Variants in PITPNC1 observed in about 807,000 individuals in gnomAD.
The protein encoded by PITPNC1 is phosphatidylinositol transfer protein cytoplasmic 1, also known as cytoplasmic phosphatidylinositol transfer protein 1.
A neutral mutation model predicts 44.7 loss-of-function variants in PITPNC1; 18 were observed. The ratio of observed to expected loss-of-function variants is 0.40; its 90% CI spans 0.28 to 0.60. PITPNC1 has a LOEUF of 0.60. Among genes scored for constraint, PITPNC1 ranks in the 20% least tolerant of loss-of-function variants. PITPNC1 has a pLI of 0.39. For synonymous variants in PITPNC1, 141 were observed against 149.6 expected (o/e 0.94, Z 0.42); for missense variants, 290 against 418.4 (o/e 0.69, Z 2.68).
intron 6 of PITPNC1, among the ~76,000 whole-genome samples, chr17:67,643,968 G>A (rs1157266289): frequency 6.6e-6 from 1 of 152,170 alleles, no homozygotes; most frequent in African/African-American, 2.4e-5. Flanking sequence ...TGTGAGTGGA[G>A]AACAGGAGCA....
At chr17:67,434,118 T>C (rs2038898420) in intron 1 of PITPNC1, among the ~76,000 whole-genome samples, 1 of 151,848 alleles carries the variant, frequency 6.6e-6, no homozygotes, top group African/African-American at 2.4e-5. Context: ...AGAGGCTTGA[T>C]TATAGATGTT....
intron 5 of PITPNC1, among the ~76,000 whole-genome samples, chr17:67,631,130 C>T (rs1338093245): frequency 6.7e-5 from 10 of 148,650 alleles, no homozygotes. Flanking sequence ...GCCAGTGAAA[C>T]CTAGAGCAGA....
chr17:67,557,677 G>A (rs77205453), intron 4 of PITPNC1, among the ~76,000 whole-genome samples: 250 of 152,304 alleles, frequency 1.6e-3, no homozygotes, highest in Non-Finnish European at 2.8e-3. Context: ...AGATTCAGCC[G>A]TGTTCTCACG....
chr17:67,554,407 A>ACCTG (rs2040808295), intron 4 of PITPNC1, among the ~76,000 whole-genome samples: 6 of 151,926 alleles, frequency 3.9e-5, no homozygotes, highest in African/African-American at 1.5e-4. Flanking sequence ...ACAGGTGTGC[A>ACCTG]CCACCACGCC....
chr17:67,453,053 A>G (rs79171576), intron 1 of PITPNC1, among the ~76,000 whole-genome samples: 2,394 of 152,244 alleles, frequency 0.016, 59 homozygotes, highest in African/African-American at 0.054. Context: ...GTGCTGTTAT[A>G]TATATAAAGC....
intron 5 of PITPNC1, among the ~76,000 whole-genome samples, chr17:67,583,805 C>T (rs946958308): frequency 6.6e-6 from 1 of 151,084 alleles, no homozygotes; most frequent in Non-Finnish European, 1.5e-5. Flanking sequence ...ACGCTATTCT[C>T]CTGCCTCAGC....
intron 1 of PITPNC1, among the ~76,000 whole-genome samples, chr17:67,459,422 T>C (rs948078480): frequency 4.6e-5 from 7 of 152,178 alleles, no homozygotes; most frequent in African/African-American, 1.7e-4. Flanking sequence ...CCAGCCTCTT[T>C]GGGGTTTTAG....
chr17:67,573,513 G>T (rs2041091117), intron 4 of PITPNC1, among the ~76,000 whole-genome samples: 1 of 151,634 alleles, frequency 6.6e-6, no homozygotes, highest in Non-Finnish European at 1.5e-5. Context: ...GATCAGGTGG[G>T]AGGTGGAAAA....
At position 67,479,843 on chromosome 17, in the gene PITPNC1, T is replaced by C. The variant is rs147480941; in HGVS notation, c.49-52959T>C. 3.3e-3 allele frequency among the ~76,000 whole-genome samples: 509 copies of C among 152,338 alleles called. 5 individuals carry two copies. Among genetic ancestry groups the C allele is most frequent in the African/African-American group, 0.012 (489 of 41,582 alleles). On this transcript the variant is annotated intron_variant, in intron 1 of 8. Coordinates refer to ENST00000581322, the MANE Select transcript of PITPNC1 (RefSeq NM_012417.4). ...TGAGTAAAGGCATTTTCTTCTGCAA[T>C]GTTCATTTCTATTTCAATGGTCTGC...
intron 3 of PITPNC1, among the ~76,000 whole-genome samples, chr17:67,552,794 C>A (rs751602260): frequency 3.8e-5 from 5 of 132,690 alleles, no homozygotes; most frequent in Non-Finnish European, 6.1e-5. Flanking sequence ...GGCAACACAG[C>A]GAGACTCCGT....
chr17:67,562,123 A>G (rs1207552909), intron 4 of PITPNC1, among the ~76,000 whole-genome samples: 6 of 152,220 alleles, frequency 3.9e-5, no homozygotes, highest in African/African-American at 1.4e-4. Context: ...TTCAGAAAAC[A>G]TGCTTTCATT....
At chr17:67,528,787 A>T (rs2040423510) in intron 1 of PITPNC1, among the ~76,000 whole-genome samples, 1 of 152,158 alleles carries the variant, frequency 6.6e-6, no homozygotes, top group Non-Finnish European at 1.5e-5. Flanking sequence ...GAGATTCAGC[A>T]TTTTTAGGAG....
intron 6 of PITPNC1, among the ~76,000 whole-genome samples, chr17:67,646,838 T>C (rs1174328631): frequency 6.6e-6 from 1 of 152,112 alleles, no homozygotes; most frequent in South Asian, 2.1e-4. Flanking sequence ...CAGCCAACAT[T>C]GTCTCCATTT....
chr17:67,564,115 T>C (rs1342297562), intron 4 of PITPNC1, among the ~76,000 whole-genome samples: 1 of 151,828 alleles, frequency 6.6e-6, no homozygotes, highest in African/African-American at 2.4e-5. Flanking sequence ...ATAGATTAGA[T>C]AGGTAGACAG....
intron 1 of PITPNC1, among the ~76,000 whole-genome samples, chr17:67,436,495 G>A (rs2038938269): frequency 6.6e-6 from 1 of 152,092 alleles, no homozygotes; most frequent in Non-Finnish European, 1.5e-5. Flanking sequence ...GAGGTAAGCA[G>A]AAGGTAGGGA....
chr17:67,561,338 C>T (rs1354067981), intron 4 of PITPNC1, among the ~76,000 whole-genome samples: 1 of 152,036 alleles, frequency 6.6e-6, no homozygotes, highest in Non-Finnish European at 1.5e-5. Flanking sequence ...TGCCTGTAAT[C>T]CCAGCTACTC....
At chr17:67,554,050 A>G (rs759267898) in intron 4 of PITPNC1, among the ~76,000 whole-genome samples, 8 of 152,056 alleles carry the variant, frequency 5.3e-5, no homozygotes, top group African/African-American at 9.7e-5. Context: ...TGTGCAAACT[A>G]TTTTGCACAA....
At chr17:67,513,236 C>T (rs187359064) in intron 1 of PITPNC1, among the ~76,000 whole-genome samples, 2,556 of 151,404 alleles carry the variant, frequency 0.017, 32 homozygotes, top group Non-Finnish European at 0.024. Flanking sequence ...TGGCGGCGGG[C>T]GACTGTAATC....
chr17:67,470,041 G>C (rs540502280), intron 1 of PITPNC1, among the ~76,000 whole-genome samples: 109 of 152,154 alleles, frequency 7.2e-4, no homozygotes, highest in African/African-American at 2.6e-3. Context: ...TCCTGCCTCA[G>C]CCTCCCAAGT....
Sources: allele counts gnomAD v4.1 joint callset (sites outside exome capture counted in the v4.1 genomes callset), GRCh38; gene constraint gnomAD v4.1.1; transcripts MANE v1.5; gene names NCBI Gene and HGNC (gene_info 2026-07-23, HGNC 2026-07-21).